Variants in LACTB observed in about 807,000 individuals in gnomAD.
LACTB encodes the protein lactamase beta.
A neutral mutation model predicts 50.2 loss-of-function variants in LACTB; 35 were observed. That is an observed-to-expected ratio of 0.70 (90% CI 0.53 to 0.92). LACTB has a LOEUF of 0.92. Among genes scored for constraint, LACTB ranks in the 40% least tolerant of loss-of-function variants. The probability of loss-of-function intolerance (pLI) is 0.00; values close to 1 mark genes in which losing one functional copy is unlikely to be tolerated. For synonymous variants in LACTB, 252 were observed against 268.2 expected, an observed-to-expected ratio of 0.94 and a Z score of 0.59; for missense variants, 664 against 691.8, an observed-to-expected ratio of 0.96 and a Z score of 0.45.
intron 4 of LACTB, among the ~76,000 whole-genome samples, chr15:63,128,728 T>C: frequency 6.6e-6 from 1 of 152,176 alleles, no homozygotes; most frequent in East Asian, 1.9e-4. Context: ...GTGCCTACAT[T>C]TATTTTATTT....
chr15:63,130,524 A>AAC (rs1555416335), intron 5 of LACTB: 46 of 148,508 alleles, frequency 3.1e-4, no homozygotes, highest in African/African-American at 5.9e-4. Flanking sequence ...GGAAAAAAAA[A>AAC]AAAAAAAAAA....
intron 5 of LACTB, among the ~76,000 whole-genome samples, chr15:63,135,612 T>C (rs1031937086): frequency 1.3e-5 from 2 of 152,140 alleles, no homozygotes; most frequent in African/African-American, 4.8e-5. Flanking sequence ...CCCAGCTACT[T>C]GGAGGCTGAG....
intron 5 of LACTB, among the ~76,000 whole-genome samples, chr15:63,132,038 A>G (rs886565209): frequency 2.0e-5 from 3 of 152,124 alleles, no homozygotes; most frequent in Admixed American, 6.6e-5. Flanking sequence ...TAACATGGTA[A>G]TCCCCTAATT....
At chr15:63,122,583 C>T (rs1024930780) in intron 1 of LACTB, 53 bp from the exon 2 acceptor site, 5 of 1,417,294 alleles carry the variant, frequency 3.5e-6, no homozygotes, top group Non-Finnish European at 5.0e-6. Context: ...GAGGAGAGCG[C>T]TGGGCTTTTT....
chr15:63,136,618 C>G (rs1158937342), intron 5 of LACTB, among the ~76,000 whole-genome samples: 1 of 152,058 alleles, frequency 6.6e-6, no homozygotes, highest in East Asian at 1.9e-4. Flanking sequence ...CTCTAAAACT[C>G]AACTCTGATT....
Position 63,141,504 on chromosome 15 carries a change from C to T in LACTB, c.1343C>T (p.Pro448Leu), listed in dbSNP as rs1208693558. The change falls in exon 6 of 6, where the codon CCT (proline) becomes CTT (leucine). Residue 448 changes from proline (P) to leucine (L), a missense_variant. Pro to Leu is a moderately conservative substitution (Grantham distance 98). Coordinates refer to ENST00000261893, the MANE Select transcript of LACTB (RefSeq NM_032857.5). Reference protein sequence around the residue: ...ETMVMMWTPVPNTEMSWDKEG... With the variant: ...ETMVMMWTPVLNTEMSWDKEG... ...ATGGTTATGATGTGGACCCCAGTCC[C>T]TAACACAGAGATGTCTTGGGATAAA... The T allele has an allele frequency of 3.1e-6, 5 of 1,614,100 alleles. No individual in the cohort carries two copies. In the East Asian group the frequency reaches 1.1e-4, roughly 36 times the overall value.
At chr15:63,141,063 A>G (rs771564155) in intron 5 of LACTB, 6 of 984,346 alleles carry the variant, frequency 6.1e-6, no homozygotes, top group Non-Finnish European at 4.8e-6. Context: ...ACCACTTTCT[A>G]TGCTTTAATT....
In LACTB at chr15:63,141,396, A is replaced by G. The variant is rs1156366533; in HGVS notation, c.1235A>G (p.Asn412Ser). ...STVGDLLKFG[N>S]AMLYGYQVGL... ...GTGGGTGACCTTCTGAAATTTGGGA[A>G]TGCAATGCTTTATGGTTACCAAGTT... The change falls in exon 6 of 6, where the codon AAT becomes AGT. Residue 412 changes from asparagine to serine, a missense_variant. Transcript: ENST00000261893. The G allele has an allele frequency of 1.9e-6, 3 of 1,614,096 alleles. No individual in the cohort carries two copies. The highest frequency in any genetic ancestry group is 2.5e-6 in the Non-Finnish European group (3 of 1,180,052).
intron 1 of LACTB, 119 bp from the exon 2 acceptor site, chr15:63,122,517 G>A (rs1432409291): frequency 4.8e-6 from 4 of 829,750 alleles, no homozygotes; most frequent in Non-Finnish European, 8.2e-6. Flanking sequence ...GGTGGGCGGG[G>A]CCCAGGTGGA....
chr15:63,133,810 G>A (rs1359122848), intron 5 of LACTB, among the ~76,000 whole-genome samples: 1 of 152,124 alleles, frequency 6.6e-6, no homozygotes, highest in African/African-American at 2.4e-5. Flanking sequence ...AAACATTTGA[G>A]CTTATTTTGT....
At chr15:63,134,745 A>G (rs749703174) in intron 5 of LACTB, among the ~76,000 whole-genome samples, 23 of 152,120 alleles carry the variant, frequency 1.5e-4, no homozygotes, top group Non-Finnish European at 2.6e-4. Flanking sequence ...ACAACCAGCC[A>G]TCTATGCCAC....
At chr15:63,133,127 A>G (rs1478989956) in intron 5 of LACTB, among the ~76,000 whole-genome samples, 1 of 152,206 alleles carries the variant, frequency 6.6e-6, no homozygotes, top group East Asian at 1.9e-4. Context: ...AGATTTTGAC[A>G]AGTTAACTAG....
At chr15:63,129,354 C>A (rs888577450) in intron 4 of LACTB, 131 bp from the exon 5 acceptor site, 9 of 793,058 alleles carry the variant, frequency 1.1e-5, no homozygotes, top group Non-Finnish European at 1.7e-5. Context: ...TGCCTGTGTT[C>A]TTTTTCTGAA....
In LACTB at chr15:63,121,909, C is replaced by A; in HGVS notation, c.38C>A (p.Ala13Asp). Residue 13 changes from alanine to aspartate, a missense_variant, in exon 1 of 6, where the codon GCC becomes GAC. Transcript: ENST00000261893. ...RLMSAVTARA[A>D]APGGLASSCG... ...ATGTCAGCAGTGACTGCCCGGGCTG[C>A]CGCCCCCGGGGGCTTGGCCTCAAGC... The A allele has an allele frequency of 7.0e-7, 1 of 1,418,828 alleles. No individual in the cohort carries two copies. The highest frequency in any genetic ancestry group is 2.8e-5 in the East Asian group (1 of 35,422). The allele number at this position is 1,418,828 out of a possible 1,614,324, so 87.9% of individuals were successfully genotyped here.
Position 63,132,785 on chromosome 15 carries a change from C to T in LACTB, c.1118+3135C>T, listed in dbSNP as rs1210586362. On this transcript the variant is annotated intron_variant, in intron 5 of 5. Coordinates refer to ENST00000261893, the MANE Select transcript of LACTB (RefSeq NM_032857.5). ...CCACTGAGCTGTGATTGCACCACTGCACTCCAGCCTGGGCAAGAGAGCGAG... is the reference window on the plus strand; with the variant it reads ...CCACTGAGCTGTGATTGCACCACTGTACTCCAGCCTGGGCAAGAGAGCGAG... Among the ~76,000 whole-genome samples the T allele has an allele frequency of 3.3e-5, 5 of 152,148 alleles. No homozygotes were observed. In the East Asian group the frequency reaches 5.8e-4, roughly 18 times the overall value.
intron 5 of LACTB, chr15:63,129,854 C>A: frequency 1.9e-6 from 1 of 530,244 alleles, no homozygotes; most frequent in East Asian, 4.1e-5. Context: ...TGAAAGATAG[C>A]AATAATATTA....
chr15:63,125,879 A>G lies in LACTB; in HGVS notation c.425-980A>G, dbSNP rs1434807762. 2.4e-5 allele frequency: 3 copies of G among 125,432 alleles called. No homozygotes were observed. The Admixed American group carries it at 2.5e-4, about 10-fold the overall frequency. The allele number at this position is 125,432 out of a possible 1,614,324, so 7.8% of individuals were successfully genotyped here. ...CTTTCTTTCTTTTTTTTTTTTGTAT[A>G]TTTTGTAGAGATGCGGTTTCTGCCA... On this transcript the variant is annotated intron_variant, in intron 2 of 5. Transcript: ENST00000261893.
chr15:63,125,171 A>AT (rs1420197867), intron 2 of LACTB, among the ~76,000 whole-genome samples: 2 of 66,704 alleles, frequency 3.0e-5, no homozygotes, highest in East Asian at 1.5e-3. Flanking sequence ...AAAAAATTTT[A>AT]TTTATTTATT....
At chr15:63,141,012 T>G in intron 5 of LACTB, 1 of 985,148 alleles carries the variant, frequency 1.0e-6, no homozygotes, top group Non-Finnish European at 1.2e-6. Flanking sequence ...TATTAAAGGT[T>G]TGATACACTC....
Sources: allele counts gnomAD v4.1 joint callset (sites outside exome capture counted in the v4.1 genomes callset), GRCh38; gene constraint gnomAD v4.1.1; transcripts MANE v1.5; gene names NCBI Gene and HGNC (gene_info 2026-07-23, HGNC 2026-07-21).